The following GALNT10 variants were observed in gnomAD, a reference collection of about 807,000 sequenced individuals.
The protein encoded by GALNT10 is polypeptide N-acetylgalactosaminyltransferase 10, also known as GalNAc transferase 10.
In GALNT10, 41 loss-of-function variants were observed where a neutral mutation model predicts 75.0. The observed-to-expected ratio is 0.55, with a 90% CI of 0.43 to 0.71. The LOEUF is 0.71. Ranked by LOEUF, GALNT10 falls within the 30% of genes least tolerant of loss-of-function variation. GALNT10 has a pLI of 0.00. For missense variants in GALNT10, 727 were observed against 818.5 expected (o/e 0.89, Z 1.36); for synonymous variants, 302 against 313.0 (o/e 0.96, Z 0.37).
chr5:154,383,084 G>A (rs995948534), intron 6 of GALNT10, among the ~76,000 whole-genome samples: 4 of 152,196 alleles, frequency 2.6e-5, no homozygotes, highest in African/African-American at 7.2e-5. Context: ...TGATGCTTAT[G>A]TGTGGCCATG....
At chr5:154,338,818 T>G (rs1754985144) in intron 4 of GALNT10, among the ~76,000 whole-genome samples, 1 of 152,182 alleles carries the variant, frequency 6.6e-6, no homozygotes, top group Non-Finnish European at 1.5e-5. Flanking sequence ...TCAGCTGTAT[T>G]GTTGCAGAGG....
At chr5:154,336,180 G>A (rs566061057) in intron 4 of GALNT10, among the ~76,000 whole-genome samples, 1 of 152,160 alleles carries the variant, frequency 6.6e-6, no homozygotes, top group African/African-American at 2.4e-5. Context: ...TCTTTTTAGT[G>A]CTGAATAACA....
chr5:154,338,153 C>A, intron 4 of GALNT10: 1 of 820,458 alleles, frequency 1.2e-6, no homozygotes, highest in South Asian at 1.3e-5. Flanking sequence ...AGAATCGCCT[C>A]TTGAGACAGC....
At chr5:154,310,449 T>TTTTGTTTG (rs70978535) in intron 3 of GALNT10, among the ~76,000 whole-genome samples, 1 of 125,166 alleles carries the variant, frequency 8.0e-6, no homozygotes, top group Non-Finnish European at 1.8e-5. Flanking sequence ...TTGTTTTTTT[T>TTTTGTTTG]TTTGTTTGTT....
At chr5:154,363,889 T>C (rs1438721305) in intron 4 of GALNT10, among the ~76,000 whole-genome samples, 1 of 152,198 alleles carries the variant, frequency 6.6e-6, no homozygotes, top group Non-Finnish European at 1.5e-5. Flanking sequence ...ATTGGGTATA[T>C]GGATTTTATA....
chr5:154,290,244 A>G (rs1754175475), intron 1 of GALNT10, among the ~76,000 whole-genome samples: 1 of 147,480 alleles, frequency 6.8e-6, no homozygotes. Flanking sequence ...GGTGTGTGCC[A>G]TGACACTCAG....
intron 1 of GALNT10, among the ~76,000 whole-genome samples, chr5:154,221,921 AT>A (rs35499884): frequency 1.5e-4 from 22 of 149,574 alleles, no homozygotes; most frequent in Non-Finnish European, 2.4e-4. Context: ...TTTTTAAAGG[AT>A]TTTTTTTTTA....
chr5:154,366,348 C>T (rs938185839), intron 4 of GALNT10, among the ~76,000 whole-genome samples: 1 of 152,010 alleles, frequency 6.6e-6, no homozygotes, highest in Non-Finnish European at 1.5e-5. Flanking sequence ...TAAAGGGTGC[C>T]ATATAAAACA....
At chr5:154,282,727 C>T (rs919192344) in intron 1 of GALNT10, among the ~76,000 whole-genome samples, 5 of 152,176 alleles carry the variant, frequency 3.3e-5, no homozygotes, top group Admixed American at 6.5e-5. Flanking sequence ...ATCCTCAGAA[C>T]CCTTTTATGG....
chr5:154,301,539 A>G (rs1186586436), intron 3 of GALNT10, among the ~76,000 whole-genome samples: 1 of 149,158 alleles, frequency 6.7e-6, no homozygotes, highest in Non-Finnish European at 1.5e-5. Context: ...TTACCACTAG[A>G]TCTTGTTGCT....
chr5:154,280,045 G>A (rs1754015695), intron 1 of GALNT10, among the ~76,000 whole-genome samples: 1 of 151,906 alleles, frequency 6.6e-6, no homozygotes, highest in Non-Finnish European at 1.5e-5. Flanking sequence ...AAGAAAATGT[G>A]GTATATATAC....
intron 6 of GALNT10, 118 bp downstream of exon 6, chr5:154,380,749 G>C: frequency 1.6e-6 from 1 of 643,318 alleles, no homozygotes. Context: ...CAGCTTCCCA[G>C]CCCCACTTAG....
At chr5:154,314,185 G>A (rs1252030365) in intron 3 of GALNT10, among the ~76,000 whole-genome samples, 3 of 152,150 alleles carry the variant, frequency 2.0e-5, no homozygotes, top group African/African-American at 7.2e-5. Context: ...CAGGAAGGAT[G>A]TATTTTACCC....
rs558174408 is a variant in GALNT10 at position 154,267,373 on chromosome 5, C to G, written c.160-27443C>G. ...ACTTGTTGTAGGTGACCCAGACATG[C>G]CTCTTGAATTGAATTCGGTGATCTG... On this transcript the variant is annotated intron_variant, in intron 1 of 11. Coordinates refer to ENST00000297107, the MANE Select transcript of GALNT10 (RefSeq NM_198321.4). Among the ~76,000 whole-genome samples the G allele has an allele frequency of 5.9e-5, 9 of 152,272 alleles. No homozygotes were observed. In the South Asian group the frequency reaches 1.9e-3, roughly 32 times the overall value.
At chr5:154,271,068 T>C (rs1753853667) in intron 1 of GALNT10, among the ~76,000 whole-genome samples, 1 of 150,764 alleles carries the variant, frequency 6.6e-6, no homozygotes, top group African/African-American at 2.4e-5. Context: ...CTGGATGCCT[T>C]AAAAAAGGAT....
intron 6 of GALNT10, among the ~76,000 whole-genome samples, chr5:154,384,836 T>C (rs772711490): frequency 6.6e-6 from 1 of 152,234 alleles, no homozygotes; most frequent in Non-Finnish European, 1.5e-5. Flanking sequence ...CTTGAGCAAG[T>C]TCCCTGTCTG....
At chr5:154,277,780 A>G (rs1189676278) in intron 1 of GALNT10, among the ~76,000 whole-genome samples, 4 of 152,202 alleles carry the variant, frequency 2.6e-5, no homozygotes, top group Non-Finnish European at 4.4e-5. Context: ...ACCTTTACTC[A>G]TGTGGTACTC....
chr5:154,357,917 G>A (rs1755321523), intron 4 of GALNT10, among the ~76,000 whole-genome samples: 1 of 152,182 alleles, frequency 6.6e-6, no homozygotes, highest in South Asian at 2.1e-4. Context: ...GAAGGGTTTA[G>A]GGATGACAAC....
chr5:154,381,963 C>T (rs999519463), intron 6 of GALNT10, among the ~76,000 whole-genome samples: 15 of 152,208 alleles, frequency 9.9e-5, no homozygotes, highest in Non-Finnish European at 2.9e-5. Context: ...ATCACATCTG[C>T]GAAGTCTCTT....
Sources: gnomAD v4.1 joint callset for allele counts (sites outside exome capture counted in the v4.1 genomes callset) on GRCh38, gnomAD v4.1.1 for gene constraint, MANE v1.5 for transcripts, NCBI Gene and HGNC (gene_info 2026-07-23, HGNC 2026-07-21) for gene names.